THSD7B: variants seen among roughly 807,000 people sequenced by gnomAD.
THSD7B encodes thrombospondin type 1 domain containing 7B, also known as thrombospondin type-1 domain-containing protein 7B.
In THSD7B, 138 loss-of-function variants were observed where a neutral mutation model predicts 213.6. That is an observed-to-expected ratio of 0.65 (90% confidence interval 0.56 to 0.74). The LOEUF (loss-of-function observed/expected upper bound fraction) is 0.74. Among genes scored for constraint, THSD7B ranks in the 30% least tolerant of loss-of-function variants. THSD7B has a pLI of 0.00. For missense variants in THSD7B, 1,931 were observed against 1,991.5 expected (o/e 0.97, Z 0.58); for synonymous variants, 742 against 687.0 (o/e 1.08, Z -1.25).
intron 2 of THSD7B, among the ~76,000 whole-genome samples, chr2:136,908,293 G>A (rs984390331): frequency 2.0e-5 from 3 of 152,126 alleles, no homozygotes; most frequent in Admixed American, 1.3e-4. Context: ...TATGTTGATT[G>A]GCCAGTTGTT....
rs79822806 is a variant in THSD7B, at chr2:136,949,515, G to A, written c.139+67198G>A. 5.8e-4 allele frequency among the ~76,000 whole-genome samples: 88 copies of A among 152,294 alleles called. 1 individual carries two copies. In the East Asian group the frequency reaches 0.016, roughly 28 times the overall value. On this transcript the variant is annotated intron_variant, in intron 2 of 27. Transcript: ENST00000409968. ...TAGCTGGTTCTGACTGATCAGACTA[G>A]GGTCTGCAGTTTGCTGTTTCCCAGC...
chr2:137,304,413 T>C (rs1232058073), intron 12 of THSD7B, among the ~76,000 whole-genome samples: 1 of 152,128 alleles, frequency 6.6e-6, no homozygotes, highest in African/African-American at 2.4e-5. Flanking sequence ...TTACTTTCAT[T>C]TTAAAAATAA....
At chr2:136,993,944 TATAC>T (rs752174611) in intron 2 of THSD7B, among the ~76,000 whole-genome samples, 2 of 152,236 alleles carry the variant, frequency 1.3e-5, no homozygotes, top group Admixed American at 6.5e-5. Flanking sequence ...TATATATGTT[TATAC>T]ATACATGTTA....
intron 2 of THSD7B, among the ~76,000 whole-genome samples, chr2:136,943,929 G>A (rs1033479947): frequency 9.2e-5 from 14 of 152,218 alleles, no homozygotes; most frequent in Admixed American, 8.5e-4. Context: ...GCTAGCTTTT[G>A]AATTTGTTTG....
chr2:137,334,390 G>T (rs1477681106), intron 12 of THSD7B, among the ~76,000 whole-genome samples: 1 of 152,162 alleles, frequency 6.6e-6, no homozygotes, highest in East Asian at 1.9e-4. Flanking sequence ...AGGAAGTGAT[G>T]GGAGAAGGGA....
At chr2:137,398,486 G>T (rs1388052571) in intron 12 of THSD7B, among the ~76,000 whole-genome samples, 2 of 151,958 alleles carry the variant, frequency 1.3e-5, no homozygotes, top group Non-Finnish European at 2.9e-5. Context: ...GAGGGTCAGG[G>T]GTCAGGGACC....
Position 137,560,381 on chromosome 2 carries a change from C to G in THSD7B, c.3139-2840C>G, listed in dbSNP as rs369062244. On this transcript the variant is annotated intron_variant, in intron 15 of 27. Transcript: ENST00000409968. ...TATACACCATGGAATACTATGCAGC[C>G]ATAAAATATGATGAGTTCATGTCCT... Among the ~76,000 whole-genome samples, 16 of 152,216 alleles carry G rather than the reference C, an allele frequency of 1.1e-4. No homozygotes were observed. The East Asian group carries it at 1.7e-3, about 17-fold the overall frequency.
At chr2:137,571,116 A>G (rs1449511368) in intron 16 of THSD7B, among the ~76,000 whole-genome samples, 1 of 152,202 alleles carries the variant, frequency 6.6e-6, no homozygotes, top group Admixed American at 6.5e-5. Context: ...AGTCCCTATC[A>G]GTCACTAACC....
intron 7 of THSD7B, among the ~76,000 whole-genome samples, chr2:137,207,898 C>A (rs1245409278): frequency 2.0e-5 from 3 of 152,034 alleles, no homozygotes; most frequent in Non-Finnish European, 4.4e-5. Flanking sequence ...GCTGCACAGA[C>A]AAAACCAATT....
intron 2 of THSD7B, among the ~76,000 whole-genome samples, chr2:136,963,915 A>T (rs924039579): frequency 6.6e-6 from 1 of 152,170 alleles, no homozygotes; most frequent in South Asian, 2.1e-4. Flanking sequence ...AAACTCATCT[A>T]TTTATTTGGG....
chr2:137,639,866 GTAT>G (rs1682905576), intron 20 of THSD7B, among the ~76,000 whole-genome samples: 1 of 152,138 alleles, frequency 6.6e-6, no homozygotes, highest in Admixed American at 6.5e-5. Flanking sequence ...ACCTGTGCCG[GTAT>G]GTATTGTATC....
chr2:137,399,830 A>C (rs1443834361), intron 12 of THSD7B, among the ~76,000 whole-genome samples: 1 of 152,128 alleles, frequency 6.6e-6, no homozygotes, highest in Non-Finnish European at 1.5e-5. Context: ...AAATACTGAT[A>C]ATTCTTAAGT....
chr2:137,556,768 C>T (rs1680979749), intron 15 of THSD7B, among the ~76,000 whole-genome samples: 1 of 152,126 alleles, frequency 6.6e-6, no homozygotes, highest in African/African-American at 2.4e-5. Context: ...AGAGTCAAGA[C>T]CCATCAGTGT....
At chr2:137,642,732 A>C in intron 21 of THSD7B, 99 bp downstream of exon 21, 1 of 1,383,824 alleles carries the variant, frequency 7.2e-7, no homozygotes, top group Non-Finnish European at 9.8e-7. Context: ...TCACAGCACC[A>C]GGGGTCTGGC....
At chr2:137,096,493 T>G (rs1005821258) in intron 4 of THSD7B, among the ~76,000 whole-genome samples, 1 of 152,196 alleles carries the variant, frequency 6.6e-6, no homozygotes, top group Non-Finnish European at 1.5e-5. Flanking sequence ...CAGTTCCTTA[T>G]ATTCTTATTG....
At chr2:137,498,068 C>G (rs1246073599) in intron 15 of THSD7B, among the ~76,000 whole-genome samples, 1 of 152,126 alleles carries the variant, frequency 6.6e-6, no homozygotes, top group Non-Finnish European at 1.5e-5. Flanking sequence ...TTAAATAATC[C>G]AAGGCATATG....
At chr2:137,006,331 C>A (rs1686110278) in intron 2 of THSD7B, among the ~76,000 whole-genome samples, 1 of 152,084 alleles carries the variant, frequency 6.6e-6, no homozygotes, top group African/African-American at 2.4e-5. Context: ...GGAGGCGGAG[C>A]TTGCAGTGAG....
At chr2:136,971,098 ACAAAATATCT>A (rs777241703) in intron 2 of THSD7B, among the ~76,000 whole-genome samples, 16 of 152,218 alleles carry the variant, frequency 1.1e-4, no homozygotes, top group Non-Finnish European at 2.2e-4. Flanking sequence ...AAATCTGGAC[ACAAAATATCT>A]CAAATAGGAA....
chr2:137,351,001 TGGA>T (rs1305349688), intron 12 of THSD7B, among the ~76,000 whole-genome samples: 1 of 151,772 alleles, frequency 6.6e-6, no homozygotes, highest in African/African-American at 2.4e-5. Context: ...AATAGCCTAG[TGGA>T]GATCTCTGGT....
Sources: allele counts gnomAD v4.1 joint callset (sites outside exome capture counted in the v4.1 genomes callset), GRCh38; gene constraint gnomAD v4.1.1; transcripts MANE v1.5; gene names NCBI Gene and HGNC (gene_info 2026-07-23, HGNC 2026-07-21).